Variants in CCDC171 observed in about 807,000 individuals in gnomAD.
CCDC171 encodes coiled-coil domain-containing protein 171.
In CCDC171, 177 loss-of-function variants were observed where a neutral mutation model predicts 168.2. The observed-to-expected ratio is 1.05, with a 90% confidence interval of 0.93 to 1.19. CCDC171 has a LOEUF of 1.19. Among genes scored for constraint, CCDC171 ranks in the 50% most tolerant of loss-of-function variants. The pLI is 0.00. For missense variants in CCDC171, 1,991 were observed against 1,539.0 expected (o/e 1.29, Z -4.91); for synonymous variants, 687 against 540.8 (o/e 1.27, Z -3.75).
At chr9:15,845,793 A>G (rs2060871081) in intron 21 of CCDC171, 1 of 152,144 alleles carries the variant, frequency 6.6e-6, no homozygotes, top group Non-Finnish European at 1.5e-5. Flanking sequence ...GCAAAGGAGT[A>G]AGAAGATTTT....
chr9:15,864,658 A>G (rs540431302), intron 23 of CCDC171, among the ~76,000 whole-genome samples: 1 of 152,094 alleles, frequency 6.6e-6, no homozygotes, highest in Non-Finnish European at 1.5e-5. Flanking sequence ...CAACAATTAT[A>G]TTAAAATAAT....
At chr9:16,000,781 T>C (rs1246690596) in intron 3 of CCDC171, among the ~76,000 whole-genome samples, 1 of 152,126 alleles carries the variant, frequency 6.6e-6, no homozygotes, top group Non-Finnish European at 1.5e-5. Context: ...AACTACTCTC[T>C]CTCAACAAAT....
intron 7 of CCDC171, among the ~76,000 whole-genome samples, chr9:15,642,515 G>A (rs765466664): frequency 1.1e-4 from 17 of 151,470 alleles, no homozygotes; most frequent in Admixed American, 9.9e-4. Context: ...ATTTTTTTGA[G>A]CAGCATGTTG....
chr9:16,052,331 G>A (rs368756957), intron 1 of CCDC171, among the ~76,000 whole-genome samples: 47 of 152,240 alleles, frequency 3.1e-4, no homozygotes, highest in African/African-American at 9.4e-4. Flanking sequence ...CTGGCCTCAC[G>A]CAGTCTGGCC....
chr9:15,800,090 T>C (rs948998565), intron 21 of CCDC171, among the ~76,000 whole-genome samples: 3 of 152,128 alleles, frequency 2.0e-5, no homozygotes, highest in African/African-American at 4.8e-5. Context: ...AGTGCAGATA[T>C]CTCTTCAATA....
At chr9:16,074,751 G>C in the CCDC171 span, among the ~76,000 whole-genome samples, 1 of 152,178 alleles carries the variant, frequency 6.6e-6, no homozygotes, top group Non-Finnish European at 1.5e-5. Flanking sequence ...GAGAGTAAAG[G>C]CATATAGGAA....
At chr9:15,645,840 A>G (rs1432581851) in intron 7 of CCDC171, among the ~76,000 whole-genome samples, 1 of 152,234 alleles carries the variant, frequency 6.6e-6, no homozygotes, top group Non-Finnish European at 1.5e-5. Flanking sequence ...ATTATCCAGG[A>G]GAATTTCCCC....
chr9:16,087,295 C>T, the CCDC171 span, among the ~76,000 whole-genome samples: 1 of 152,078 alleles, frequency 6.6e-6, no homozygotes, highest in Non-Finnish European at 1.5e-5. Flanking sequence ...TGTTAATTTT[C>T]TGTCTCGTTG....
At chr9:15,741,318 C>G (rs939203252) in intron 16 of CCDC171, among the ~76,000 whole-genome samples, 1 of 152,090 alleles carries the variant, frequency 6.6e-6, no homozygotes. Context: ...CCTCTGGTGA[C>G]CAAAAATGTG....
intron 11 of CCDC171, among the ~76,000 whole-genome samples, chr9:15,700,426 C>G (rs1190187107): frequency 6.6e-6 from 1 of 152,202 alleles, no homozygotes; most frequent in Non-Finnish European, 1.5e-5. Flanking sequence ...GCCTCTCCCT[C>G]CACACCTCCC....
intron 25 of CCDC171, among the ~76,000 whole-genome samples, chr9:15,929,724 C>T (rs1273104972): frequency 6.6e-6 from 1 of 151,664 alleles, no homozygotes; most frequent in Non-Finnish European, 1.5e-5. Context: ...TTCTATTCAC[C>T]CTGCCTTATT....
chr9:15,793,779 C>T (rs1041283285), intron 21 of CCDC171, among the ~76,000 whole-genome samples: 3 of 151,946 alleles, frequency 2.0e-5, no homozygotes, highest in African/African-American at 7.2e-5. Flanking sequence ...GATCTCCTCA[C>T]CTCGTGACCT....
Position 15,591,394 on chromosome 9 carries a change from A to G in CCDC171, c.381A>G (p.Thr127=). ...AGAATTCAGAACTTCAAGCAAAGACAAATGAGACTGAGAAAGCATTTCAGA... is the reference window on the plus strand; with the variant it reads ...AGAATTCAGAACTTCAAGCAAAGACGAATGAGACTGAGAAAGCATTTCAGA... The part of the protein sequence containing the change: ...CAQNSELQAK[T]NETEKAFQTS... Residue 127 remains threonine (T), a synonymous_variant, in exon 5 of 26, where the codon ACA becomes ACG. Coordinates refer to ENST00000380701, the MANE Select transcript of CCDC171 (RefSeq NM_173550.4). 1 of 1,605,632 alleles carries G rather than the reference A, an allele frequency of 6.2e-7. No individual in the cohort carries two copies.
At chr9:15,835,964 A>C (rs887276960) in intron 21 of CCDC171, among the ~76,000 whole-genome samples, 1 of 152,022 alleles carries the variant, frequency 6.6e-6, no homozygotes, top group African/African-American at 2.4e-5. Context: ...TTTAATTATT[A>C]AATTATTTTT....
chr9:16,051,876 T>C (rs1037921924), intron 1 of CCDC171, among the ~76,000 whole-genome samples: 9 of 152,200 alleles, frequency 5.9e-5, no homozygotes, highest in Admixed American at 5.2e-4. Context: ...TCCACATGGC[T>C]GGGGAGGCCT....
chr9:15,944,887 T>TCTTTCTTTC (rs1564040765), intron 25 of CCDC171, among the ~76,000 whole-genome samples: 2 of 150,262 alleles, frequency 1.3e-5, no homozygotes, highest in African/African-American at 4.9e-5. Context: ...TTTCTTTCTT[T>TCTTTCTTTC]TTTATCATTA....
chr9:15,915,079 C>T (rs1017194855), intron 24 of CCDC171, among the ~76,000 whole-genome samples: 17 of 137,386 alleles, frequency 1.2e-4, no homozygotes, highest in African/African-American at 3.9e-4. Flanking sequence ...CAGACTGGAG[C>T]TGTTCCTATT....
chr9:15,590,778 T>C (rs941714401), intron 4 of CCDC171, among the ~76,000 whole-genome samples: 6 of 105,122 alleles, frequency 5.7e-5, no homozygotes, highest in African/African-American at 1.8e-4. Context: ...TTTCTCTTTC[T>C]TTCTTTCTTT....
chr9:15,745,886 A>G (rs141467536), intron 18 of CCDC171, among the ~76,000 whole-genome samples: 20 of 151,914 alleles, frequency 1.3e-4, no homozygotes, highest in Non-Finnish European at 2.1e-4. Context: ...TGTTTTTCCT[A>G]TGGAAAGCTC....
Sources: gnomAD v4.1 joint callset for allele counts (sites outside exome capture counted in the v4.1 genomes callset) on GRCh38, gnomAD v4.1.1 for gene constraint, MANE v1.5 for transcripts, NCBI Gene and HGNC (gene_info 2026-07-23, HGNC 2026-07-21) for gene names.